EBF1: variants seen among roughly 807,000 people sequenced by gnomAD.
The protein encoded by EBF1 is EBF transcription factor 1.
Under a neutral mutation model 68.4 loss-of-function variants are expected in EBF1, and 10 were observed. The ratio of observed to expected loss-of-function variants is 0.15; its 90% CI spans 0.09 to 0.25. The LOEUF (loss-of-function observed/expected upper bound fraction) is 0.25. Among genes scored for constraint, EBF1 ranks in the 10% least tolerant of loss-of-function variants. The pLI is 1.00. For synonymous variants in EBF1, 298 were observed against 299.8 expected (o/e 0.99, Z 0.06); for missense variants, 509 against 794.4 (o/e 0.64, Z 4.32).
chr5:158,862,661 C>A (rs1034564963), intron 6 of EBF1, among the ~76,000 whole-genome samples: 3 of 151,998 alleles, frequency 2.0e-5, no homozygotes, highest in Admixed American at 6.6e-5. Flanking sequence ...ATACCATGTC[C>A]AAGAGTAGGG....
chr5:158,712,341 G>T lies in EBF1; in HGVS notation c.1370-8C>A. The T allele has an allele frequency of 6.2e-7, 1 of 1,613,116 alleles. No individual in the cohort carries two copies. The highest frequency in any genetic ancestry group is 1.1e-5 in the South Asian group (1 of 90,898). On this transcript the variant is annotated splice_polypyrimidine_tract_variant and splice_region_variant and intron_variant, in intron 13 of 15. Transcript: ENST00000313708. ...TTGAGTTGCGGGTGAAACCTGAGGGGCGGGGGCAAAACCGGAGGTGAGGGT... is the reference window on the plus strand; with the variant it reads ...TTGAGTTGCGGGTGAAACCTGAGGGTCGGGGGCAAAACCGGAGGTGAGGGT...
chr5:158,864,831 A>G (rs1306651473), intron 6 of EBF1, among the ~76,000 whole-genome samples: 1 of 152,164 alleles, frequency 6.6e-6, no homozygotes. Context: ...TGGCTGCAGC[A>G]CAGTGAGCGA....
intron 6 of EBF1, among the ~76,000 whole-genome samples, chr5:159,005,022 G>A (rs775079370): frequency 1.3e-5 from 2 of 152,250 alleles, no homozygotes; most frequent in South Asian, 2.1e-4. Flanking sequence ...GGCTTTACAC[G>A]TTACCATGAC....
intron 6 of EBF1, among the ~76,000 whole-genome samples, chr5:158,891,624 G>A (rs1282933120): frequency 6.6e-6 from 1 of 152,098 alleles, no homozygotes; most frequent in Non-Finnish European, 1.5e-5. Context: ...ATATATATGT[G>A]TGTGTGTGTA....
chr5:158,713,193 TC>T (rs1225514960), intron 12 of EBF1, 46 bp from the exon 13 acceptor site: 1 of 1,342,426 alleles, frequency 7.4e-7, no homozygotes, highest in Admixed American at 2.9e-5. Context: ...CCAGTCATAT[TC>T]CCAATAATAC....
At chr5:159,069,173 T>C (rs1242952296) in intron 6 of EBF1, among the ~76,000 whole-genome samples, 1 of 150,700 alleles carries the variant, frequency 6.6e-6, no homozygotes, top group Non-Finnish European at 1.5e-5. Flanking sequence ...TAGGAGAACA[T>C]AATTTGAGAT....
chr5:159,031,890 A>G (rs891398189), intron 6 of EBF1, among the ~76,000 whole-genome samples: 1 of 152,210 alleles, frequency 6.6e-6, no homozygotes, highest in African/African-American at 2.4e-5. Context: ...TAGTTAAAAT[A>G]TAAAACAAAA....
At chr5:159,056,608 G>C (rs1186230130) in intron 6 of EBF1, among the ~76,000 whole-genome samples, 2 of 152,144 alleles carry the variant, frequency 1.3e-5, no homozygotes, top group South Asian at 4.1e-4. Flanking sequence ...GTACACAAAA[G>C]TGGTTTGAGT....
intron 6 of EBF1, among the ~76,000 whole-genome samples, chr5:158,868,520 T>G (rs1562168528): frequency 6.6e-6 from 1 of 152,184 alleles, no homozygotes; most frequent in South Asian, 2.1e-4. Context: ...ACTAACACCC[T>G]TCACGTCCCC....
chr5:158,990,763 A>G (rs1470064067), intron 6 of EBF1, among the ~76,000 whole-genome samples: 1 of 152,228 alleles, frequency 6.6e-6, no homozygotes, highest in African/African-American at 2.4e-5. Context: ...TTTTATAAGA[A>G]CTAAAAAGAC....
At chr5:159,074,225 G>T (rs748002190) in intron 5 of EBF1, among the ~76,000 whole-genome samples, 2 of 152,128 alleles carry the variant, frequency 1.3e-5, no homozygotes, top group African/African-American at 2.4e-5. Flanking sequence ...GGCTCGAAAA[G>T]TACCTATTAC....
chr5:159,075,017 T>C (rs1388485310), intron 5 of EBF1, among the ~76,000 whole-genome samples: 2 of 152,178 alleles, frequency 1.3e-5, no homozygotes, highest in Non-Finnish European at 2.9e-5. Flanking sequence ...TGAACTCTGA[T>C]CCCCTATACC....
chr5:159,060,107 C>T (rs529862224), intron 6 of EBF1, among the ~76,000 whole-genome samples: 53 of 152,190 alleles, frequency 3.5e-4, no homozygotes, highest in African/African-American at 1.1e-3. Context: ...GAACTAGAGA[C>T]ATTATACAAT....
At chr5:159,067,579 A>G (rs1307442003) in intron 6 of EBF1, among the ~76,000 whole-genome samples, 12 of 152,232 alleles carry the variant, frequency 7.9e-5, no homozygotes, top group Admixed American at 7.9e-4. Flanking sequence ...GGAATAGCTG[A>G]TAGCAAATGG....
At chr5:158,809,792 T>C (rs1199139824) in intron 8 of EBF1, among the ~76,000 whole-genome samples, 1 of 152,170 alleles carries the variant, frequency 6.6e-6, no homozygotes, top group Non-Finnish European at 1.5e-5. Context: ...AGCAACACTA[T>C]GAGAAACATT....
In EBF1 at chr5:158,909,172, T is replaced by A. The variant is rs368824213; in HGVS notation, c.555-69062A>T. On this transcript the variant is annotated intron_variant, in intron 6 of 15. Transcript: ENST00000313708. The stretch of plus-strand genomic sequence containing the variant: ...AGAAAGAAAGAACAGAAATGTGAGA[T>A]GTGAAATGCACGAAGGTGTTACAAA... 4.0e-5 allele frequency among the ~76,000 whole-genome samples: 6 copies of A among 151,688 alleles called. No homozygotes were observed. The South Asian group carries it at 1.3e-3, about 32-fold the overall frequency.
At chr5:159,059,371 A>G (rs1775373596) in intron 6 of EBF1, among the ~76,000 whole-genome samples, 2 of 152,220 alleles carry the variant, frequency 1.3e-5, no homozygotes, top group Non-Finnish European at 1.5e-5. Context: ...ATGAAAAAAA[A>G]AAAACTAACA....
intron 7 of EBF1, among the ~76,000 whole-genome samples, chr5:158,826,473 A>G (rs1786153248): frequency 6.6e-6 from 1 of 152,220 alleles, no homozygotes; most frequent in Non-Finnish European, 1.5e-5. Context: ...AGAATGTTCT[A>G]TAGGATGGCA....
At chr5:158,956,729 C>T (rs568268324) in intron 6 of EBF1, among the ~76,000 whole-genome samples, 2 of 151,610 alleles carry the variant, frequency 1.3e-5, no homozygotes, top group Non-Finnish European at 1.5e-5. Context: ...TACTACCACT[C>T]CCACTACCTC....
Sources: gnomAD v4.1 joint callset for allele counts (sites outside exome capture counted in the v4.1 genomes callset) on GRCh38, gnomAD v4.1.1 for gene constraint, MANE v1.5 for transcripts, NCBI Gene and HGNC (gene_info 2026-07-23, HGNC 2026-07-21) for gene names.